The following ZNF445 variants were observed in gnomAD, a reference collection of about 807,000 sequenced individuals.
ZNF445 encodes the protein zinc finger protein 445, also known as zinc finger protein 168.
ZNF445 carries 19 observed loss-of-function variants against 93.9 expected under a neutral mutation model. That is an observed-to-expected ratio of 0.20 (90% confidence interval 0.14 to 0.30). The LOEUF is 0.30. Ranked by LOEUF, ZNF445 falls within the 10% of genes least tolerant of loss-of-function variation. The pLI, the probability that ZNF445 is intolerant of heterozygous loss-of-function variation, is 1.00. For missense variants in ZNF445, 1,058 were observed against 1,259.4 expected, an observed-to-expected ratio of 0.84 and a Z score of 2.42; for synonymous variants, 449 against 446.3, an observed-to-expected ratio of 1.01 and a Z score of -0.08.
chr3:44,447,210 G>A lies in ZNF445; in HGVS notation c.2461C>T (p.His821Tyr). 1 of 1,614,114 alleles carries A rather than the reference G, an allele frequency of 6.2e-7. No homozygotes were observed. Among genetic ancestry groups the A allele is most frequent in the Non-Finnish European group, 8.5e-7 (1 of 1,180,022 alleles). Residue 821 changes from histidine (H) to tyrosine (Y), a missense_variant, in exon 8 of 8, where the codon CAT becomes TAT. Around this residue, in one of 3 missense-constraint regions of ZNF445, gnomAD observed 387 missense variants for 475.7 expected, o/e 0.81. Coordinates refer to ENST00000396077, the MANE Select transcript of ZNF445 (RefSeq NM_181489.6). This position sits in a 1 kb window ranked among gnomAD's most constrained non-coding sequence, Gnocchi z 4.7. ...IHSLQKQYDC[H>Y]ESEKTPNVEP... ...ACATTTGGAGTCTTTTCACTTTCAT[G>A]GCAATCATACTGTTTTTGAAGAGAG...
Position 44,447,508 on chromosome 3 carries a change from C to T in ZNF445, c.2163G>A (p.Arg721=), listed in dbSNP as rs1697894876. The change falls in exon 8 of 8, where the codon AGG becomes AGA. Residue 721 remains arginine, a synonymous_variant. Transcript: ENST00000396077. This position sits in a 1 kb window ranked among gnomAD's most constrained non-coding sequence, Gnocchi z 4.7. ...TCTTCTTATGAACAATAAAGGCTGA[C>T]CTATAGGCAAAGTCCTTCCCACAAT... ...CSDCGKDFAY[R]SAFIVHKKKH... 1 of 1,614,128 alleles carries T rather than the reference C, an allele frequency of 6.2e-7. No homozygotes were observed. Among genetic ancestry groups the T allele is most frequent in the Non-Finnish European group, 8.5e-7 (1 of 1,180,022 alleles).
rs1315741364 is a variant in ZNF445, at chr3:44,446,445, G to A, written c.*130C>T. 10 of 1,380,182 alleles carry A rather than the reference G, an allele frequency of 7.2e-6. No homozygotes were observed. The highest frequency in any genetic ancestry group is 9.8e-6 in the Non-Finnish European group (10 of 1,018,174). 85.5% of individuals were successfully genotyped at this position (1,380,182 alleles called of 1,614,324 possible). ...ACTCCCCGAGCTTTCAAATCCTTGG[G>A]ATTCTGTCACTAGCTTCCAAAACAG... On this transcript the variant is annotated 3_prime_UTR_variant, in exon 8 of 8. Coordinates refer to ENST00000396077, the MANE Select transcript of ZNF445 (RefSeq NM_181489.6). This position sits in a 1 kb window ranked among gnomAD's most constrained non-coding sequence, Gnocchi z 4.2.
intron 1 of ZNF445, among the ~76,000 whole-genome samples, chr3:44,465,516 TCTG>T (rs1485513184): frequency 6.6e-6 from 1 of 152,244 alleles, no homozygotes; most frequent in Non-Finnish European, 1.5e-5. Context: ...AGAAAACTGA[TCTG>T]CTGTTTGATG....
chr3:44,455,091 C>T, intron 3 of ZNF445, 30 bp downstream of exon 3: 1 of 1,613,766 alleles, frequency 6.2e-7, no homozygotes, highest in Non-Finnish European at 8.5e-7. Flanking sequence ...GGCAGAGTTC[C>T]CTGGGCACCA....
chr3:44,447,999 G>C lies in ZNF445; in HGVS notation c.1672C>G (p.Leu558Val). The change falls in exon 8 of 8, where the codon CTG becomes GTG. Residue 558 changes from leucine to valine, a missense_variant. By Grantham distance (32) the Leu-to-Val change is conservative. Around this residue, in one of 3 missense-constraint regions of ZNF445, gnomAD observed 657 missense variants for 746.4 expected, o/e 0.88. Transcript: ENST00000396077. This position sits in a 1 kb window ranked among gnomAD's most constrained non-coding sequence, Gnocchi z 4.7. ...TTCTTAGCATGGGTTTCTCGGTGCA[G>C]ACGGTAGGCTGACAGGCGTCGGAAA... ...KAFRRLSAYR[L>V]HRETHAKKKF... 1 of 1,611,714 alleles carries C rather than the reference G, an allele frequency of 6.2e-7. No individual in the cohort carries two copies.
At position 44,451,414 on chromosome 3, in the gene ZNF445, T is replaced by C. The variant is rs776873066; in HGVS notation, c.498A>G (p.Ile166Met). ...TCCTGAGAGGTGAAGCAAGGGACCA[T>C]ATCTGTGCAGATCGCAGGGCTCCTG... ...MGTGALRSAQ[I>M]WSLASPLRSS... The change falls in exon 4 of 8, where the codon ATA (isoleucine) becomes ATG (methionine). Residue 166 changes from isoleucine to methionine, a missense_variant. This residue lies in a region of ZNF445 where 657 missense variants were observed against 746.4 expected (regional missense o/e 0.88). Coordinates refer to ENST00000396077, the MANE Select transcript of ZNF445 (RefSeq NM_181489.6). The C allele has an allele frequency of 2.5e-6, 4 of 1,614,006 alleles. No homozygotes were observed. The highest frequency in any genetic ancestry group is 3.3e-5 in the Admixed American group (2 of 60,000).
In ZNF445 at chr3:44,432,273, CTGTGTGTGTGTGTGTG is replaced by C. The variant is rs781032930; in HGVS notation, c.*14286_*14301del. On this transcript the variant is annotated 3_prime_UTR_variant, in exon 8 of 8. Coordinates refer to ENST00000396077, the MANE Select transcript of ZNF445 (RefSeq NM_181489.6). ...TCTACACTCATTTGTGTGTGTGTGT[CTGTGTGTGTGTGTGTG>C]TGTGTGTGTGTGTGTGTGTGGATGG... The C allele has an allele frequency of 7.8e-5, 11 of 140,570 alleles. No homozygotes were observed. The highest frequency in any genetic ancestry group is 7.0e-4 in the South Asian group (3 of 4,288). 8.7% of individuals were successfully genotyped at this position (140,570 alleles called of 1,614,324 possible).
At chr3:44,476,137 T>A (rs1229969183) in intron 1 of ZNF445, among the ~76,000 whole-genome samples, 1 of 152,232 alleles carries the variant, frequency 6.6e-6, no homozygotes, top group African/African-American at 2.4e-5. Context: ...CTCTTTCACA[T>A]TGTTTCTAAT....
chr3:44,469,760 C>T (rs1698240009), intron 1 of ZNF445, among the ~76,000 whole-genome samples: 1 of 151,924 alleles, frequency 6.6e-6, no homozygotes, highest in Non-Finnish European at 1.5e-5. Context: ...CAAAGCAAAA[C>T]TCCATCTCAA....
At position 44,446,072 on chromosome 3, in the gene ZNF445, G is replaced by C. The variant is rs569586798; in HGVS notation, c.*503C>G. The C allele has an allele frequency of 1.5e-3, 245 of 164,272 alleles. No homozygotes were observed. Among genetic ancestry groups the C allele is most frequent in the African/African-American group, 5.6e-3 (233 of 41,652 alleles). The allele number at this position is 164,272 out of a possible 1,614,324, so 10.2% of individuals were successfully genotyped here. A position where few individuals can be genotyped will look rare whatever the true frequency, so the allele number is the denominator to read the frequency against. On this transcript the variant is annotated 3_prime_UTR_variant, in exon 8 of 8. Coordinates refer to ENST00000396077, the MANE Select transcript of ZNF445 (RefSeq NM_181489.6). This position sits in a 1 kb window ranked among gnomAD's most constrained non-coding sequence, Gnocchi z 4.2. ...AGATATCCAAAAGCCAGCCAGGAAGGCTGAAGCCCCAGCCAGAACTCCCCA... is the reference window on the plus strand; with the variant it reads ...AGATATCCAAAAGCCAGCCAGGAAGCCTGAAGCCCCAGCCAGAACTCCCCA...
chr3:44,448,146 G>T lies in ZNF445; in HGVS notation c.1525C>A (p.Gln509Lys). 2 of 1,614,140 alleles carry T rather than the reference G, an allele frequency of 1.2e-6. No individual in the cohort carries two copies. Among genetic ancestry groups the T allele is most frequent in the South Asian group, 2.2e-5 (2 of 91,088 alleles). The change falls in exon 8 of 8, where the codon CAA (glutamine) becomes AAA (lysine). Residue 509 changes from glutamine to lysine, a missense_variant. By Grantham distance (53) the Gln-to-Lys change is moderately conservative. This residue lies in a region of ZNF445 where 657 missense variants were observed against 746.4 expected (regional missense o/e 0.88). Coordinates refer to ENST00000396077, the MANE Select transcript of ZNF445 (RefSeq NM_181489.6). ...ACCCTACATTTAAATGCTTTCTCTT[G>T]AGTGTGAAGTCTCTGATGATACGCA... ...HLAYHQRLHT[Q>K]EKAFKCRVCG...
At chr3:44,467,923 C>A (rs1698215937) in intron 1 of ZNF445, among the ~76,000 whole-genome samples, 1 of 152,132 alleles carries the variant, frequency 6.6e-6, no homozygotes, top group African/African-American at 2.4e-5. Flanking sequence ...AGTCCCCAAA[C>A]TAATACTTTC....
At chr3:44,476,008 A>C (rs965460346) in intron 1 of ZNF445, among the ~76,000 whole-genome samples, 1 of 152,214 alleles carries the variant, frequency 6.6e-6, no homozygotes, top group Non-Finnish European at 1.5e-5. Flanking sequence ...TCAAAAATAA[A>C]ATAAATAAAA....
intron 1 of ZNF445, among the ~76,000 whole-genome samples, chr3:44,468,626 A>C (rs1242370390): frequency 6.6e-6 from 1 of 151,978 alleles, no homozygotes; most frequent in Non-Finnish European, 1.5e-5. Flanking sequence ...GGCACAACCC[A>C]GATCAATAAA....
intron 3 of ZNF445, among the ~76,000 whole-genome samples, chr3:44,454,061 C>T (rs1450847311): frequency 1.3e-5 from 2 of 151,992 alleles, no homozygotes; most frequent in Admixed American, 6.5e-5. Context: ...ACCTGTAATC[C>T]CAGCATTTTG....
At position 44,446,427 on chromosome 3, in the gene ZNF445, G is replaced by C; in HGVS notation, c.*148C>G. The C allele has an allele frequency of 8.3e-7, 1 of 1,200,090 alleles. No homozygotes were observed. The highest frequency in any genetic ancestry group is 2.4e-5 in the East Asian group (1 of 41,420). 74.3% of individuals were successfully genotyped at this position (1,200,090 alleles called of 1,614,324 possible). On this transcript the variant is annotated 3_prime_UTR_variant, in exon 8 of 8. Coordinates refer to ENST00000396077, the MANE Select transcript of ZNF445 (RefSeq NM_181489.6). This position sits in a 1 kb window ranked among gnomAD's most constrained non-coding sequence, Gnocchi z 4.2. ...CTAGCAGGCAGGCTGGGGACTCCCCGAGCTTTCAAATCCTTGGGATTCTGT... is the reference window on the plus strand; with the variant it reads ...CTAGCAGGCAGGCTGGGGACTCCCCCAGCTTTCAAATCCTTGGGATTCTGT...
At chr3:44,467,517 G>C (rs531771941) in intron 1 of ZNF445, among the ~76,000 whole-genome samples, 1 of 152,208 alleles carries the variant, frequency 6.6e-6, no homozygotes, top group Non-Finnish European at 1.5e-5. Context: ...CTTGCTAACA[G>C]GCCCAGGAAC....
chr3:44,458,441 T>C (rs1306217422), intron 1 of ZNF445, 77 bp from the exon 2 acceptor site: 1 of 152,064 alleles, frequency 6.6e-6, no homozygotes, highest in Non-Finnish European at 1.5e-5. Context: ...ATACCTGTGA[T>C]ATTATAATAT....
At position 44,447,672 on chromosome 3, in the gene ZNF445, C is replaced by T; in HGVS notation, c.1999G>A (p.Asp667Asn). The change falls in exon 8 of 8, where the codon GAC (aspartate) becomes AAC (asparagine). Residue 667 changes from aspartate to asparagine, a missense_variant. Asp to Asn is a conservative substitution (Grantham distance 23). Coordinates refer to ENST00000396077, the MANE Select transcript of ZNF445 (RefSeq NM_181489.6). This position sits in a 1 kb window ranked among gnomAD's most constrained non-coding sequence, Gnocchi z 4.7. ...ECREGFRQSPDCSQPQGAPAV... is the reference protein window; with the variant it reads ...ECREGFRQSPNCSQPQGAPAV... The stretch of plus-strand genomic sequence containing the variant: ...GGAGCACCCTGGGGCTGACTGCAGT[C>T]AGGAGATTGCCTGAAGCCTTCACGA... The T allele has an allele frequency of 1.9e-6, 3 of 1,614,144 alleles. No homozygotes were observed. The highest frequency in any genetic ancestry group is 2.5e-6 in the Non-Finnish European group (3 of 1,180,036).
Sources: gnomAD v4.1 joint callset for allele counts (sites outside exome capture counted in the v4.1 genomes callset) on GRCh38, gnomAD v4.1.1 for gene constraint, gnomAD v4.1.1 regional missense constraint, Gnocchi (gnomAD v3.1) non-coding constraint, MANE v1.5 for transcripts, NCBI Gene and HGNC (gene_info 2026-07-23, HGNC 2026-07-21) for gene names.